Variants in SYNE1 observed in about 807,000 individuals in gnomAD.
SYNE1 encodes spectrin repeat containing nuclear envelope protein 1.
SYNE1 carries 616 observed loss-of-function variants against 1,111.0 expected under a neutral mutation model. The observed-to-expected ratio is 0.55, with a 90% CI of 0.52 to 0.59. The LOEUF (loss-of-function observed/expected upper bound fraction) is 0.59, where lower values mean the gene tolerates loss of function less well. Ranked by LOEUF, SYNE1 falls within the 20% of genes least tolerant of loss-of-function variation. The probability of loss-of-function intolerance (pLI) is 0.00; values close to 1 mark genes in which losing one functional copy is unlikely to be tolerated. For synonymous variants in SYNE1, 3,855 were observed against 3,825.8 expected, an observed-to-expected ratio of 1.01 and a Z score of -0.28; for missense variants, 10,006 against 10,417.0, an observed-to-expected ratio of 0.96 and a Z score of 1.72.
chr6:152,392,688 T>TATAAAATAAA (rs138485116), intron 51 of SYNE1, among the ~76,000 whole-genome samples: 1 of 151,972 alleles, frequency 6.6e-6, no homozygotes, highest in African/African-American at 2.4e-5. Context: ...CCCTGGAACT[T>TATAAAATAAA]ATAAAATAAA....
rs776709678 is a variant in SYNE1 at position 152,353,760 on chromosome 6, A to G, written c.10927-16T>C. ...CGTGCCACTTCTGAAATGACAAAGT[A>G]TCGAAGGGAAAGATTCAATCTTAGC... On this transcript the variant is annotated splice_polypyrimidine_tract_variant and intron_variant, in intron 67 of 145. Coordinates refer to ENST00000367255, the MANE Select transcript of SYNE1 (RefSeq NM_182961.4). 1 of 1,613,506 alleles carries G rather than the reference A, an allele frequency of 6.2e-7. No individual in the cohort carries two copies. The highest frequency in any genetic ancestry group is 1.7e-5 in the Admixed American group (1 of 60,030).
Position 152,201,920 on chromosome 6 carries a change from T to A in SYNE1, c.23049A>T (p.Ala7683=). Reference sequence around the variant, plus strand: ...AAGTTCGTAGTTTCTCCAGGGAATCTGCTATTCCTTTCTCACATTTTTCCC... The same window carrying A: ...AAGTTCGTAGTTTCTCCAGGGAATCAGCTATTCCTTTCTCACATTTTTCCC... The part of the protein sequence containing the change: ...KDWEKCEKGI[A]DSLEKLRTFK... Residue 7683 remains alanine, a synonymous_variant, in exon 127 of 146, where the codon GCA becomes GCT. Coordinates refer to ENST00000367255, the MANE Select transcript of SYNE1 (RefSeq NM_182961.4). The A allele has an allele frequency of 6.2e-7, 1 of 1,613,956 alleles. No individual in the cohort carries two copies. The highest frequency in any genetic ancestry group is 8.5e-7 in the Non-Finnish European group (1 of 1,179,842).
intron 3 of SYNE1, among the ~76,000 whole-genome samples, chr6:152,543,153 G>T (rs2099280017): frequency 6.6e-6 from 1 of 152,018 alleles, no homozygotes. Flanking sequence ...TGAGTTTATA[G>T]TTAGACTTCA....
At chr6:152,477,912 T>G (rs1005179117) in intron 14 of SYNE1, among the ~76,000 whole-genome samples, 1 of 152,144 alleles carries the variant, frequency 6.6e-6, no homozygotes, top group Non-Finnish European at 1.5e-5. Context: ...ACTACAGGCA[T>G]GCACCACTAT....
intron 3 of SYNE1, among the ~76,000 whole-genome samples, chr6:152,611,722 T>C (rs1377796246): frequency 6.6e-6 from 1 of 152,088 alleles, no homozygotes; most frequent in African/African-American, 2.4e-5. Context: ...TAGCACTTAT[T>C]CTAAAATTGA....
intron 143 of SYNE1, among the ~76,000 whole-genome samples, chr6:152,132,688 T>C (rs1024146961): frequency 3.9e-5 from 6 of 152,170 alleles, no homozygotes; most frequent in African/African-American, 1.2e-4. Flanking sequence ...GATTGTTCTT[T>C]TGCATGCTTA....
chr6:152,262,075 T>C lies in SYNE1; in HGVS notation c.18929A>G (p.Gln6310Arg). Reference protein sequence around the residue: ...ESLHQEFSTKQKLLQNVLEQE... With the variant: ...ESLHQEFSTKRKLLQNVLEQE... ...TTCCAGAACATTCTGTAGTAGTTTCTGCTTGGTACTAAATTCTTGATGTAG... is the reference window on the plus strand; with the variant it reads ...TTCCAGAACATTCTGTAGTAGTTTCCGCTTGGTACTAAATTCTTGATGTAG... The change falls in exon 101 of 146, where the codon CAG (glutamine) becomes CGG (arginine). Residue 6310 changes from glutamine (Q) to arginine (R), a missense_variant. Transcript: ENST00000367255. 6.2e-7 allele frequency: 1 copy of C among 1,613,900 alleles called. No homozygotes were observed. Among genetic ancestry groups the C allele is most frequent in the South Asian group, 1.1e-5 (1 of 91,078 alleles).
intron 3 of SYNE1, among the ~76,000 whole-genome samples, chr6:152,583,939 G>T (rs2099528818): frequency 1.3e-5 from 2 of 152,174 alleles, no homozygotes; most frequent in Admixed American, 1.3e-4. Context: ...GCCACACAAG[G>T]AAGGAGAAAA....
intron 117 of SYNE1, among the ~76,000 whole-genome samples, chr6:152,223,496 G>A (rs1971577): frequency 0.17 from 26,329 of 152,026 alleles, 2,868 homozygotes; most frequent in East Asian, 0.29. Context: ...GGCACATGCC[G>A]TAATCCCAGC....
At chr6:152,445,563 C>T (rs914154157) in intron 29 of SYNE1, among the ~76,000 whole-genome samples, 1 of 152,012 alleles carries the variant, frequency 6.6e-6, no homozygotes, top group Non-Finnish European at 1.5e-5. Flanking sequence ...CTTTGACTCT[C>T]TTCTGATCTA....
chr6:152,338,129 C>CA (rs2096447555), intron 75 of SYNE1, among the ~76,000 whole-genome samples: 2 of 151,926 alleles, frequency 1.3e-5, no homozygotes, highest in African/African-American at 2.4e-5. Flanking sequence ...GCCTGGGAAA[C>CA]AGAGTGAGAC....
At chr6:152,193,079 AG>A (rs1267365753) in intron 127 of SYNE1, among the ~76,000 whole-genome samples, 1 of 152,120 alleles carries the variant, frequency 6.6e-6, no homozygotes, top group Non-Finnish European at 1.5e-5. Flanking sequence ...TTGATAAGTA[AG>A]GACTTAATAC....
chr6:152,143,844 A>G, intron 137 of SYNE1, 79 bp from the exon 138 acceptor site: 1 of 1,602,390 alleles, frequency 6.2e-7, no homozygotes, highest in Non-Finnish European at 8.5e-7. Context: ...GAGAAGTTTC[A>G]GAAATGATTT....
At chr6:152,533,958 G>C (rs571361902) in intron 4 of SYNE1, among the ~76,000 whole-genome samples, 104 of 152,002 alleles carry the variant, frequency 6.8e-4, no homozygotes, top group Non-Finnish European at 1.2e-3. Flanking sequence ...CAGGAGTTCA[G>C]GACCAGCCTG....
At chr6:152,195,270 T>G (rs1587503565) in intron 127 of SYNE1, among the ~76,000 whole-genome samples, 2 of 152,212 alleles carry the variant, frequency 1.3e-5, no homozygotes, top group Admixed American at 1.3e-4. Context: ...TATATCTGTC[T>G]CTCCAGAATT....
At chr6:152,237,148 C>T (rs867975140) in intron 108 of SYNE1, among the ~76,000 whole-genome samples, 200 bp from the exon 109 acceptor site, 1 of 152,072 alleles carries the variant, frequency 6.6e-6, no homozygotes, top group Non-Finnish European at 1.5e-5. Context: ...TGTGAATGGG[C>T]TCTGGAATCT....
At chr6:152,544,420 C>T (rs1395199779) in intron 3 of SYNE1, among the ~76,000 whole-genome samples, 3 of 152,066 alleles carry the variant, frequency 2.0e-5, no homozygotes, top group Admixed American at 1.3e-4. Context: ...CCTTGAGGCT[C>T]ACATTGCTTG....
In SYNE1 at chr6:152,256,721, G is replaced by A; in HGVS notation, c.19017C>T (p.Tyr6339=). ...PNRLLSGVPL[Y]KGDVPTQDKS... ...TATCTTGGGTTGGCACGTCCCCTTT[G>A]TACAGTGGCACACCAGACAAGAGTC... Residue 6339 remains tyrosine, a synonymous_variant, in exon 102 of 146, where the codon TAC becomes TAT. Transcript: ENST00000367255. The A allele has an allele frequency of 3.7e-6, 6 of 1,614,024 alleles. No individual in the cohort carries two copies. The highest frequency in any genetic ancestry group is 5.1e-6 in the Non-Finnish European group (6 of 1,179,942).
chr6:152,517,843 AG>A (rs1471059794), intron 6 of SYNE1, among the ~76,000 whole-genome samples: 1 of 152,194 alleles, frequency 6.6e-6, no homozygotes, highest in Non-Finnish European at 1.5e-5. Flanking sequence ...GGTTATCTAA[AG>A]GTAGGAAATG....
Sources: gnomAD v4.1 joint callset for allele counts (sites outside exome capture counted in the v4.1 genomes callset) on GRCh38, gnomAD v4.1.1 for gene constraint, MANE v1.5 for transcripts, NCBI Gene and HGNC (gene_info 2026-07-23, HGNC 2026-07-21) for gene names.